The following TSGA10 variants were observed in gnomAD, a reference collection of about 807,000 sequenced individuals.
TSGA10 encodes testis specific 10.
Under a neutral mutation model 96.6 loss-of-function variants are expected in TSGA10, and 43 were observed. That is an observed-to-expected ratio of 0.44 (90% confidence interval 0.35 to 0.57). TSGA10 has a LOEUF of 0.57. Among genes scored for constraint, TSGA10 ranks in the 20% least tolerant of loss-of-function variants. The pLI, the probability that TSGA10 is intolerant of heterozygous loss-of-function variation, is 0.01. For missense variants in TSGA10, 703 were observed against 834.4 expected (o/e 0.84, Z 1.94); for synonymous variants, 229 against 269.9 (o/e 0.85, Z 1.48).
intron 16 of TSGA10, among the ~76,000 whole-genome samples, chr2:99,047,930 G>A (rs1159488181): frequency 2.0e-5 from 3 of 152,064 alleles, no homozygotes; most frequent in Non-Finnish European, 4.4e-5. Context: ...ACCAATAATA[G>A]ACAAACTGAG....
chr2:99,131,534 G>C (rs1481490845), intron 1 of TSGA10, among the ~76,000 whole-genome samples: 1 of 152,136 alleles, frequency 6.6e-6, no homozygotes, highest in East Asian at 1.9e-4. Context: ...AGACAGTGGG[G>C]TTTTCTAAAT....
intron 2 of TSGA10, among the ~76,000 whole-genome samples, chr2:99,124,544 T>C (rs1238251717): frequency 6.6e-6 from 1 of 152,160 alleles, no homozygotes; most frequent in Non-Finnish European, 1.5e-5. Flanking sequence ...TGTATTAATG[T>C]GGTATATTTG....
chr2:99,031,388 A>C (rs1226006268), intron 17 of TSGA10, among the ~76,000 whole-genome samples: 1 of 151,788 alleles, frequency 6.6e-6, no homozygotes, highest in Non-Finnish European at 1.5e-5. Context: ...GAAAAATAAA[A>C]CTATAAAACA....
chr2:99,152,493 C>A (rs1465415679), intron 1 of TSGA10, among the ~76,000 whole-genome samples: 1 of 152,148 alleles, frequency 6.6e-6, no homozygotes, highest in Non-Finnish European at 1.5e-5. Flanking sequence ...CAATGTTACC[C>A]AGACTGGTCT....
At chr2:99,144,495 T>C (rs2093611626) in intron 1 of TSGA10, among the ~76,000 whole-genome samples, 2 of 151,436 alleles carry the variant, frequency 1.3e-5, no homozygotes, top group Non-Finnish European at 2.9e-5. Flanking sequence ...GTTTTGATGC[T>C]GAAAGCAGGC....
At position 99,018,280 on chromosome 2, in the gene TSGA10, C is replaced by T. The variant is rs576615961; in HGVS notation, c.1992G>A (p.Met664Ile). 1 of 1,614,042 alleles carries T rather than the reference C, an allele frequency of 6.2e-7. No individual in the cohort carries two copies. The highest frequency in any genetic ancestry group is 1.7e-5 in the Admixed American group (1 of 60,022). The change falls in exon 20 of 21, where the codon ATG becomes ATA. Residue 664 changes from methionine to isoleucine, a missense_variant. Coordinates refer to ENST00000393483, the MANE Select transcript of TSGA10 (RefSeq NM_025244.4). ...GTGAATGACATTTTGTATTTGGCTT[C>T]ATTGTAGAACTCATATGATAAGCAT... ...SSNAYHMSST[M>I]KPNTKCHSPE...
chr2:99,014,429 T>C (rs2079309752), intron 20 of TSGA10, among the ~76,000 whole-genome samples: 1 of 152,144 alleles, frequency 6.6e-6, no homozygotes, highest in Non-Finnish European at 1.5e-5. Flanking sequence ...ATTAAAAACT[T>C]CTTTGAACTG....
chr2:99,117,185 G>C (rs532288294), intron 4 of TSGA10: 35 of 152,248 alleles, frequency 2.3e-4, no homozygotes, highest in African/African-American at 7.0e-4. Flanking sequence ...AATGGGTATT[G>C]AAATCAATTA....
intron 15 of TSGA10, among the ~76,000 whole-genome samples, chr2:99,068,185 A>G (rs1475725123): frequency 2.0e-5 from 3 of 152,168 alleles, no homozygotes; most frequent in African/African-American, 7.2e-5. Flanking sequence ...TACTATGCAT[A>G]CCATAAATAA....
Position 98,998,148 on chromosome 2 carries a change from A to T in TSGA10, c.*49T>A. The T allele has an allele frequency of 6.5e-7, 1 of 1,539,160 alleles. No individual in the cohort carries two copies. Among genetic ancestry groups the T allele is most frequent in the Non-Finnish European group, 8.8e-7 (1 of 1,139,074 alleles). On this transcript the variant is annotated 3_prime_UTR_variant, in exon 21 of 21. Coordinates refer to ENST00000393483, the MANE Select transcript of TSGA10 (RefSeq NM_025244.4). ...CTCATGTAGCAAAAAAAAAAAAATC[A>T]GTTTGTAACTTTGACCTTTCTCAGG...
At chr2:99,135,719 T>A (rs536597171) in intron 1 of TSGA10, among the ~76,000 whole-genome samples, 16 of 152,248 alleles carry the variant, frequency 1.1e-4, no homozygotes, top group Admixed American at 3.3e-4. Context: ...AATAAGAGTA[T>A]CTGCATTGGC....
intron 4 of TSGA10, among the ~76,000 whole-genome samples, chr2:99,111,239 T>C (rs2091783248): frequency 6.6e-6 from 1 of 152,076 alleles, no homozygotes; most frequent in African/African-American, 2.4e-5. Context: ...AATAAAAGAA[T>C]GACTAGAATA....
intron 17 of TSGA10, among the ~76,000 whole-genome samples, chr2:99,034,350 C>T (rs568025703): frequency 5.3e-5 from 8 of 151,900 alleles, no homozygotes; most frequent in East Asian, 1.9e-4. Flanking sequence ...TGCAGTGAGC[C>T]GAGATCATGC....
chr2:99,036,261 C>T (rs557697127), intron 16 of TSGA10, among the ~76,000 whole-genome samples: 1 of 152,168 alleles, frequency 6.6e-6, no homozygotes, highest in South Asian at 2.1e-4. Flanking sequence ...TAATTCACTC[C>T]TACTTTCTCT....
chr2:99,148,904 T>C (rs1215065879), intron 1 of TSGA10, among the ~76,000 whole-genome samples: 2 of 152,204 alleles, frequency 1.3e-5, no homozygotes, highest in Non-Finnish European at 2.9e-5. Flanking sequence ...GTACTCAATG[T>C]CATTGAATTG....
chr2:99,010,433 G>A (rs2078906854), intron 20 of TSGA10, among the ~76,000 whole-genome samples: 1 of 152,220 alleles, frequency 6.6e-6, no homozygotes, highest in Non-Finnish European at 1.5e-5. Context: ...GTGTGAGAGG[G>A]AAGAAAACCT....
At chr2:99,132,614 C>T (rs562877422) in intron 1 of TSGA10, among the ~76,000 whole-genome samples, 2 of 152,232 alleles carry the variant, frequency 1.3e-5, no homozygotes, top group South Asian at 2.1e-4. Flanking sequence ...TCCTTCAGTT[C>T]TGCTCTGATC....
chr2:99,146,953 T>C (rs2093638068), intron 1 of TSGA10: 1 of 152,402 alleles, frequency 6.6e-6, no homozygotes. Context: ...ATCCTGCTTA[T>C]GTCCACATAG....
At chr2:99,081,841 T>G (rs2087555288) in intron 10 of TSGA10, among the ~76,000 whole-genome samples, 3 of 152,374 alleles carry the variant, frequency 2.0e-5, no homozygotes, top group Middle Eastern at 3.4e-3. Flanking sequence ...AAGGTCAGAC[T>G]AGAGAAAAAC....
Sources: allele counts gnomAD v4.1 joint callset (sites outside exome capture counted in the v4.1 genomes callset), GRCh38; gene constraint gnomAD v4.1.1; transcripts MANE v1.5; gene names NCBI Gene and HGNC (gene_info 2026-07-23, HGNC 2026-07-21).